The following AMACR variants were observed in gnomAD, a reference collection of about 807,000 sequenced individuals.
AMACR encodes 2-methylacyl-CoA racemase.
AMACR carries 18 observed loss-of-function variants against 22.2 expected under a neutral mutation model. The observed-to-expected ratio is 0.81, with a 90% CI of 0.56 to 1.20. The LOEUF (loss-of-function observed/expected upper bound fraction) is 1.20. Among genes scored for constraint, AMACR ranks in the 50% most tolerant of loss-of-function variants. The probability of loss-of-function intolerance (pLI) is 0.00; values close to 1 mark genes in which losing one functional copy is unlikely to be tolerated. For synonymous variants in AMACR, 213 were observed against 191.3 expected (o/e 1.11, Z -0.94); for missense variants, 499 against 490.6 (o/e 1.02, Z -0.16).
Position 33,989,517 on chromosome 5 carries a change from A to C in AMACR, c.740-15T>G. 3 of 1,590,912 alleles carry C rather than the reference A, an allele frequency of 1.9e-6. No individual in the cohort carries two copies. Among genetic ancestry groups the C allele is most frequent in the African/African-American group, 2.7e-5 (2 of 74,562 alleles). On this transcript the variant is annotated splice_polypyrimidine_tract_variant and intron_variant, in intron 4 of 4. Transcript: ENST00000335606. ...TAGTCCAAGTCCTGAGGAAAAATAC[A>C]ATTTCCTAAATTATTATGCTTTGAA...
At chr5:34,007,483 C>A (rs1017158733) in intron 1 of AMACR, among the ~76,000 whole-genome samples, 2 of 151,884 alleles carry the variant, frequency 1.3e-5, no homozygotes, top group Non-Finnish European at 2.9e-5. Context: ...TTAAGAAAGG[C>A]AAATACGGAA....
chr5:33,988,077 C>A lies in AMACR; in HGVS notation c.*1016G>T. 1 of 416,744 alleles carries A rather than the reference C, an allele frequency of 2.4e-6. No individual in the cohort carries two copies. Among genetic ancestry groups the A allele is most frequent in the Non-Finnish European group, 4.3e-6 (1 of 232,804 alleles). 25.8% of individuals were successfully genotyped at this position (416,744 alleles called of 1,614,324 possible). On this transcript the variant is annotated 3_prime_UTR_variant, in exon 5 of 5. Transcript: ENST00000335606. ...CAGAATGGACCTTATTGATGGCCTA[C>A]CCAACATCCATTCTCTACTCCCTCT...
In AMACR at chr5:33,986,958, T is replaced by C. The variant is rs1753310346; in HGVS notation, c.*2135A>G. On this transcript the variant is annotated 3_prime_UTR_variant, in exon 5 of 5. Transcript: ENST00000335606. ...TTCGAGTGGGTTATATTTTCCTTGC[T>C]GGACCGAGTTCAAATGAAAAGTCTG... 6.6e-6 allele frequency: 1 copy of C among 152,244 alleles called. No individual in the cohort carries two copies. Among genetic ancestry groups the C allele is most frequent in the Non-Finnish European group, 1.5e-5 (1 of 68,054 alleles). The allele number at this position is 152,244 out of a possible 1,614,324, so 9.4% of individuals were successfully genotyped here.
intron 4 of AMACR, chr5:33,993,974 T>C (rs1561039250): frequency 4.5e-6 from 2 of 446,920 alleles, no homozygotes; most frequent in Non-Finnish European, 9.0e-6. Context: ...AGACTTGCTA[T>C]CTCAAAATGT....
rs907077634 is a variant in AMACR, at chr5:33,986,414, C to G, written c.*2679G>C. The G allele has an allele frequency of 1.3e-5, 2 of 152,184 alleles. No homozygotes were observed. The highest frequency in any genetic ancestry group is 2.9e-5 in the Non-Finnish European group (2 of 68,034). 9.4% of individuals were successfully genotyped at this position (152,184 alleles called of 1,614,324 possible). On this transcript the variant is annotated 3_prime_UTR_variant, in exon 5 of 5. Coordinates refer to ENST00000335606, the MANE Select transcript of AMACR (RefSeq NM_014324.6). ...ATTTCCTCAAGAGCGGAGAACAGGT[C>G]TGTTTTGTTCATTATGGTATCCCCA...
chr5:34,005,825 T>A lies in AMACR; in HGVS notation c.322A>T (p.Ser108Cys). The A allele has an allele frequency of 6.2e-7, 1 of 1,614,158 alleles. No individual in the cohort carries two copies. Among genetic ancestry groups the A allele is most frequent in the Non-Finnish European group, 8.5e-7 (1 of 1,180,014 alleles). Residue 108 changes from serine (S) to cysteine (C), a missense_variant, in exon 2 of 5, where the codon AGT (serine) becomes TGT (cysteine). Coordinates refer to ENST00000335606, the MANE Select transcript of AMACR (RefSeq NM_014324.6). ...AAGCTTCCTGACTGGCCAAATCCACTCAGCCTGGCATAAATAAGCCTTGGA... is the reference window on the plus strand; with the variant it reads ...AAGCTTCCTGACTGGCCAAATCCACACAGCCTGGCATAAATAAGCCTTGGA... The part of the protein sequence containing the change: ...ENPRLIYARL[S>C]GFGQSGSFCR...
At chr5:34,005,145 A>G (rs1161592118) in intron 2 of AMACR, among the ~76,000 whole-genome samples, 1 of 152,260 alleles carries the variant, frequency 6.6e-6, no homozygotes, top group Non-Finnish European at 1.5e-5. Context: ...AGACAATTCT[A>G]TACCCACTTC....
rs1753369724 is a variant in AMACR, at chr5:33,988,552, C to G, written c.*541G>C. ...CAGTTGAAGGCATTCTGATTCAATA[C>G]AGGTGAAACTTTTCTTTGCAAATTA... On this transcript the variant is annotated 3_prime_UTR_variant, in exon 5 of 5. Transcript: ENST00000335606. 64 of 1,375,596 alleles carry G rather than the reference C, an allele frequency of 4.7e-5. No homozygotes were observed. Among genetic ancestry groups the G allele is most frequent in the Non-Finnish European group, 5.9e-5 (63 of 1,067,876 alleles). The allele number at this position is 1,375,596 out of a possible 1,614,324, so 85.2% of individuals were successfully genotyped here.
rs549518153 is a variant in AMACR at position 34,007,713 on chromosome 5, G to C, written c.247+60C>G. ...GTGGCGGGTGCAGCCTCGATCGAAC[G>C]GCCAGGCCCCTCCCCTCCGCGGGAA... On this transcript the variant is annotated intron_variant, in intron 1 of 4. Coordinates refer to ENST00000335606, the MANE Select transcript of AMACR (RefSeq NM_014324.6). The C allele has an allele frequency of 5.2e-5, 77 of 1,482,682 alleles. No individual in the cohort carries two copies. In the East Asian group the frequency reaches 1.9e-3, roughly 37 times the overall value. 91.8% of individuals were successfully genotyped at this position (1,482,682 alleles called of 1,614,324 possible).
At position 33,988,216 on chromosome 5, in the gene AMACR, G is replaced by T; in HGVS notation, c.*877C>A. ...GCTGGTTTTATGTAAAGACAATCCC[G>T]TCTTCTTTGTCAAAGACAGGTATAA... On this transcript the variant is annotated 3_prime_UTR_variant, in exon 5 of 5. Coordinates refer to ENST00000335606, the MANE Select transcript of AMACR (RefSeq NM_014324.6). 5.1e-6 allele frequency: 6 copies of T among 1,174,776 alleles called. No individual in the cohort carries two copies. The highest frequency in any genetic ancestry group is 2.2e-5 in the Admixed American group (1 of 44,854). 72.8% of individuals were successfully genotyped at this position (1,174,776 alleles called of 1,614,324 possible).
chr5:34,006,999 G>A (rs377266724), intron 1 of AMACR, among the ~76,000 whole-genome samples: 1 of 152,252 alleles, frequency 6.6e-6, no homozygotes, highest in African/African-American at 2.4e-5. Context: ...GGGCTAAGGA[G>A]CAAAATGACT....
At chr5:33,994,265 T>A in intron 4 of AMACR, 1 of 295,786 alleles carries the variant, frequency 3.4e-6, no homozygotes, top group South Asian at 2.9e-5. Flanking sequence ...CTGCCACCTC[T>A]GCCTCCCGGT....
At chr5:33,993,555 C>T (rs1387416693) in intron 4 of AMACR, among the ~76,000 whole-genome samples, 2 of 152,150 alleles carry the variant, frequency 1.3e-5, no homozygotes, top group African/African-American at 2.4e-5. Context: ...ACAAGTGTTT[C>T]GTTTCCTTAC....
At position 33,988,335 on chromosome 5, in the gene AMACR, G is replaced by A. The variant is rs751527945; in HGVS notation, c.*758C>T. ...ATTTCTGGATGTTGCTGTGTGTTGGGTATAAGATCCAGAACTTGCTACCAG... is the reference window on the plus strand; with the variant it reads ...ATTTCTGGATGTTGCTGTGTGTTGGATATAAGATCCAGAACTTGCTACCAG... On this transcript the variant is annotated 3_prime_UTR_variant, in exon 5 of 5. Coordinates refer to ENST00000335606, the MANE Select transcript of AMACR (RefSeq NM_014324.6). 3 of 1,541,802 alleles carry A rather than the reference G, an allele frequency of 1.9e-6. No homozygotes were observed. Among genetic ancestry groups the A allele is most frequent in the South Asian group, 2.4e-5 (2 of 84,310 alleles).
chr5:34,000,504 C>CT (rs11429237), intron 3 of AMACR, among the ~76,000 whole-genome samples: 48,912 of 147,676 alleles, frequency 0.33, 10,476 homozygotes, highest in African/African-American at 0.61. Flanking sequence ...AATATAGGGT[C>CT]TTTTTTTTTT....
intron 4 of AMACR, among the ~76,000 whole-genome samples, chr5:33,990,052 G>A (rs889979737): frequency 6.6e-6 from 1 of 152,102 alleles, no homozygotes; most frequent in African/African-American, 2.4e-5. Context: ...CGAGTATACT[G>A]CAAGCTACTC....
Position 33,988,961 on chromosome 5 carries a change from G to C in AMACR, c.*132C>G. On this transcript the variant is annotated 3_prime_UTR_variant, in exon 5 of 5. Transcript: ENST00000335606. ...AATCATCACTGTAGAATCAGAGTCT[G>C]TAATTCTTTTCTTGATTAGAGTGGT... 1 of 1,508,698 alleles carries C rather than the reference G, an allele frequency of 6.6e-7. No homozygotes were observed. The highest frequency in any genetic ancestry group is 1.3e-5 in the South Asian group (1 of 77,544). 93.5% of individuals were successfully genotyped at this position (1,508,698 alleles called of 1,614,324 possible).
At position 34,004,689 on chromosome 5, in the gene AMACR, G is replaced by A. The variant is rs757917164; in HGVS notation, c.437C>T (p.Pro146Leu). 109 of 1,614,018 alleles carry A rather than the reference G, an allele frequency of 6.8e-5. No individual in the cohort carries two copies. Among genetic ancestry groups the A allele is most frequent in the Non-Finnish European group, 8.8e-5 (104 of 1,180,042 alleles). ...IGRSGENPYAPLNLLADFAGG... is the reference protein window; with the variant it reads ...IGRSGENPYALLNLLADFAGG... The stretch of plus-strand genomic sequence containing the variant: ...AGCAAAGTCAGCCAGGAGATTCAGC[G>A]GGGCATACGGATTCTCACCACTTCT... Residue 146 changes from proline to leucine, a missense_variant, in exon 3 of 5, where the codon CCG (proline) becomes CTG (leucine). Coordinates refer to ENST00000335606, the MANE Select transcript of AMACR (RefSeq NM_014324.6).
chr5:33,989,796 T>C (rs954545312), intron 4 of AMACR, among the ~76,000 whole-genome samples: 1 of 152,124 alleles, frequency 6.6e-6, no homozygotes, highest in African/African-American at 2.4e-5. Context: ...TGAGTAGATT[T>C]TGAAAAAAAA....
Sources: allele counts gnomAD v4.1 joint callset (sites outside exome capture counted in the v4.1 genomes callset), GRCh38; gene constraint gnomAD v4.1.1; transcripts MANE v1.5; gene names NCBI Gene and HGNC (gene_info 2026-07-23, HGNC 2026-07-21).